Variants in PRKN observed in about 807,000 individuals in gnomAD.
The protein encoded by PRKN is parkin RBR E3 ubiquitin protein ligase, also known as E3 ubiquitin-protein ligase parkin.
PRKN carries 56 observed loss-of-function variants against 59.5 expected under a neutral mutation model. The ratio of observed to expected loss-of-function variants is 0.94; its 90% CI spans 0.76 to 1.18. PRKN has a LOEUF of 1.18. Among genes scored for constraint, PRKN ranks in the 50% most tolerant of loss-of-function variants. The probability of loss-of-function intolerance (pLI) is 0.00; values close to 1 mark genes in which losing one functional copy is unlikely to be tolerated. For synonymous variants in PRKN, 250 were observed against 222.1 expected (o/e 1.13, Z -1.12); for missense variants, 657 against 596.4 (o/e 1.10, Z -1.06).
intron 1 of PRKN, among the ~76,000 whole-genome samples, chr6:162,566,078 A>G (rs925370661): frequency 2.6e-5 from 4 of 152,164 alleles, no homozygotes; most frequent in Non-Finnish European, 5.9e-5. Flanking sequence ...ACCCAGATAT[A>G]TTAAGATAAA....
intron 1 of PRKN, among the ~76,000 whole-genome samples, chr6:162,514,533 T>G (rs1316384451): frequency 5.3e-5 from 8 of 152,192 alleles, no homozygotes; most frequent in African/African-American, 9.6e-5. Flanking sequence ...CACTTGGTGA[T>G]TTTAAGAAGC....
rs1787672200 is a variant in PRKN at position 161,413,235 on chromosome 6, C to T, written c.1084-26358G>A. ...AAACCCACTGTCTCCCGGACACTGG[C>T]CTCCAGGGCACGGTCTGGAGGGTCT... On this transcript the variant is annotated intron_variant, in intron 9 of 11. Coordinates refer to ENST00000366898, the MANE Select transcript of PRKN (RefSeq NM_004562.3). The surrounding 1 kb of genome is among the most constrained non-coding windows in gnomAD (Gnocchi z 4.4). 2.0e-5 allele frequency among the ~76,000 whole-genome samples: 3 copies of T among 152,184 alleles called. No individual in the cohort carries two copies. In the South Asian group the frequency reaches 6.2e-4, roughly 32 times the overall value.
chr6:161,916,073 G>A (rs115284909), intron 6 of PRKN, among the ~76,000 whole-genome samples: 27 of 152,080 alleles, frequency 1.8e-4, no homozygotes, highest in African/African-American at 6.0e-4. Flanking sequence ...AAAAGAAAAA[G>A]AAAGGAACAT....
chr6:161,387,835 G>T (rs1477259951), intron 9 of PRKN, among the ~76,000 whole-genome samples: 1 of 152,136 alleles, frequency 6.6e-6, no homozygotes, highest in Non-Finnish European at 1.5e-5. Flanking sequence ...GGTTGTTAGG[G>T]GAGGCCTTCT....
intron 6 of PRKN, among the ~76,000 whole-genome samples, chr6:161,927,841 G>A (rs1779024862): frequency 6.6e-6 from 1 of 151,916 alleles, no homozygotes; most frequent in African/African-American, 2.4e-5. Context: ...TTATTTTAGA[G>A]TGAAGAACTT....
intron 1 of PRKN, among the ~76,000 whole-genome samples, chr6:162,697,218 G>A (rs1427353332): frequency 1.3e-5 from 2 of 151,994 alleles, no homozygotes; most frequent in East Asian, 1.9e-4. Flanking sequence ...CCCTGCTTCT[G>A]TATAACCTTC....
intron 1 of PRKN, among the ~76,000 whole-genome samples, chr6:162,489,310 A>G (rs1192872747): frequency 6.6e-6 from 1 of 152,204 alleles, no homozygotes; most frequent in African/African-American, 2.4e-5. Context: ...CGACATATGA[A>G]AAGCTGAAGC....
rs1159287207 is a variant in PRKN, at chr6:162,663,046, C to T, written c.7+64616G>A. Among the ~76,000 whole-genome samples the T allele has an allele frequency of 5.3e-5, 8 of 152,026 alleles. No individual in the cohort carries two copies. In the East Asian group the frequency reaches 1.4e-3, roughly 26 times the overall value. On this transcript the variant is annotated intron_variant, in intron 1 of 11. Transcript: ENST00000366898. ...GAGAACAAGGGAGCAGAGTAGAACC[C>T]GACACCCAGCTGCTCCCAAATATGC... is the stretch of plus-strand genomic sequence containing the variant.
intron 7 of PRKN, among the ~76,000 whole-genome samples, chr6:161,679,556 CTTTTTTTTTTTTT>C (rs34325718): frequency 9.2e-6 from 1 of 109,040 alleles, no homozygotes; most frequent in Non-Finnish European, 1.8e-5. Context: ...AGTTTCAAGT[CTTTTTTTTTTTTT>C]TTTTTTTTTT....
chr6:161,654,459 C>CT, intron 7 of PRKN, among the ~76,000 whole-genome samples: 1 of 152,298 alleles, frequency 6.6e-6, no homozygotes, highest in African/African-American at 2.4e-5. Context: ...AGCCTGGCCC[C>CT]TGCAATGCCG....
chr6:161,888,767 AG>A (rs1795241294), intron 6 of PRKN, among the ~76,000 whole-genome samples: 1 of 152,140 alleles, frequency 6.6e-6, no homozygotes, highest in Non-Finnish European at 1.5e-5. Flanking sequence ...CAACTCTACT[AG>A]AACCTTCAAT....
intron 7 of PRKN, among the ~76,000 whole-genome samples, chr6:161,653,508 A>G (rs372706841): frequency 3.9e-5 from 6 of 152,248 alleles, no homozygotes; most frequent in African/African-American, 7.2e-5. Context: ...CACCTCACAC[A>G]CATCATAAAA....
intron 5 of PRKN, among the ~76,000 whole-genome samples, chr6:162,053,167 T>C (rs904984740): frequency 4.6e-5 from 7 of 152,168 alleles, no homozygotes; most frequent in African/African-American, 1.4e-4. Context: ...TGACTGTTTA[T>C]TGTTGCCCAC....
intron 4 of PRKN, among the ~76,000 whole-genome samples, chr6:162,183,934 T>C (rs1054602941): frequency 6.6e-6 from 1 of 152,206 alleles, no homozygotes; most frequent in Non-Finnish European, 1.5e-5. Context: ...CCTGAACTAG[T>C]GCTATCTAAG....
chr6:162,709,701 C>T (rs558060036), intron 1 of PRKN, among the ~76,000 whole-genome samples: 14 of 152,208 alleles, frequency 9.2e-5, no homozygotes, highest in Admixed American at 2.6e-4. Context: ...CAGTAACTGG[C>T]TAAAATGTAT....
chr6:161,777,811 T>C lies in PRKN; in HGVS notation c.871+7961A>G, dbSNP rs1790010041. 1.4e-5 allele frequency among the ~76,000 whole-genome samples: 2 copies of C among 142,980 alleles called. 1 individual carries two copies. Among genetic ancestry groups the C allele is most frequent in the African/African-American group, 5.4e-5 (2 of 37,106 alleles). 93.8% of individuals were successfully genotyped at this position (142,980 alleles called of 152,430 possible). On this transcript the variant is annotated intron_variant, in intron 7 of 11. Coordinates refer to ENST00000366898, the MANE Select transcript of PRKN (RefSeq NM_004562.3). ...TATATATGATATATGTATATATGTA[T>C]ATATGTGTATATATGTATATGTATA... is the stretch of plus-strand genomic sequence containing the variant.
At chr6:162,288,704 A>T (rs1442038208) in intron 2 of PRKN, among the ~76,000 whole-genome samples, 1 of 152,150 alleles carries the variant, frequency 6.6e-6, no homozygotes, top group Non-Finnish European at 1.5e-5. Flanking sequence ...AGGACCCATT[A>T]AACCAAGCCC....
At chr6:162,020,200 T>A (rs1358635062) in intron 5 of PRKN, among the ~76,000 whole-genome samples, 1 of 151,876 alleles carries the variant, frequency 6.6e-6, no homozygotes. Flanking sequence ...AGAGAGCTCA[T>A]TAGGCTCCAG....
intron 6 of PRKN, among the ~76,000 whole-genome samples, chr6:161,859,242 G>A (rs1254328729): frequency 2.6e-5 from 4 of 151,952 alleles, no homozygotes; most frequent in African/African-American, 9.7e-5. Context: ...TGGATTATAT[G>A]AGACAAAAAT....
Sources: allele counts gnomAD v4.1 joint callset (sites outside exome capture counted in the v4.1 genomes callset), GRCh38; gene constraint gnomAD v4.1.1; non-coding constraint Gnocchi (gnomAD v3.1); transcripts MANE v1.5; gene names NCBI Gene and HGNC (gene_info 2026-07-23, HGNC 2026-07-21).